The following RFFL variants were observed in gnomAD, a reference collection of about 807,000 sequenced individuals.
RFFL encodes E3 ubiquitin-protein ligase rififylin.
Under a neutral mutation model 40.4 loss-of-function variants are expected in RFFL, and 16 were observed. The observed-to-expected ratio is 0.40, with a 90% CI of 0.27 to 0.60. RFFL has a LOEUF of 0.60. Ranked by LOEUF, RFFL falls within the 20% of genes least tolerant of loss-of-function variation. The probability of loss-of-function intolerance (pLI) is 0.47; values close to 1 mark genes in which losing one functional copy is unlikely to be tolerated. For missense variants in RFFL, 367 were observed against 451.7 expected, an observed-to-expected ratio of 0.81 and a Z score of 1.70; for synonymous variants, 154 against 167.9, an observed-to-expected ratio of 0.92 and a Z score of 0.64.
chr17:35,006,075 C>A lies in RFFL; in HGVS notation c.*5893G>T, dbSNP rs1016772576. 9 of 202,938 alleles carry A rather than the reference C, an allele frequency of 4.4e-5. No individual in the cohort carries two copies. The highest frequency in any genetic ancestry group is 2.1e-4 in the African/African-American group (9 of 42,154). 12.6% of individuals were successfully genotyped at this position (202,938 alleles called of 1,614,324 possible). A position where few individuals can be genotyped will look rare whatever the true frequency, so the allele number is the denominator to read the frequency against. ...AAAAATAAAAATCCACACCTGAGAA[C>A]AGATCCATACAACCTGCTTACAAAG... On this transcript the variant is annotated 3_prime_UTR_variant, in exon 7 of 7. Transcript: ENST00000394597.
chr17:35,089,121 C>G (rs1170724755), exon 1 of RFFL: 1 of 152,416 alleles, frequency 6.6e-6, no homozygotes, highest in East Asian at 1.9e-4. Context: ...CGGCCGCCCT[C>G]CCGGCCGGCA....
At chr17:35,085,720 G>A (rs797990) in intron 1 of RFFL, among the ~76,000 whole-genome samples, 56,226 of 152,044 alleles carry the variant, frequency 0.37, 11,977 homozygotes, top group Non-Finnish European at 0.47. Context: ...GAGCCACTGC[G>A]CCCAGCCAAG....
rs193224517 is a variant in RFFL at position 35,083,934 on chromosome 17, C to T, written c.-9+5171G>A. Reference sequence around the variant, plus strand: ...GTGGTTCCCAAACTTGACTGCACATCCAAAGCACTTGGGAAGCCAGGCACG... The same window carrying T: ...GTGGTTCCCAAACTTGACTGCACATTCAAAGCACTTGGGAAGCCAGGCACG... On this transcript the variant is annotated intron_variant, in intron 1 of 6. Coordinates refer to the RFFL transcript ENST00000315249. Among the ~76,000 whole-genome samples the T allele has an allele frequency of 1.5e-3, 233 of 150,744 alleles. 2 individuals carry two copies. Among genetic ancestry groups the T allele is most frequent in the African/African-American group, 5.1e-3 (210 of 41,110 alleles).
chr17:35,067,487 C>A (rs544354415), upstream of RFFL, among the ~76,000 whole-genome samples: 1 of 143,052 alleles, frequency 7.0e-6, no homozygotes, highest in South Asian at 2.2e-4. Flanking sequence ...GACAGAGTCT[C>A]GCTCTGTCGC....
At chr17:35,057,443 T>C (rs1288053209) in intron 1 of RFFL, among the ~76,000 whole-genome samples, 1 of 151,812 alleles carries the variant, frequency 6.6e-6, no homozygotes, top group Non-Finnish European at 1.5e-5. Flanking sequence ...ACATTCTCCC[T>C]AGCTCTTTTC....
intron 1 of RFFL, among the ~76,000 whole-genome samples, chr17:35,045,045 T>G (rs1195869602): frequency 6.6e-6 from 1 of 150,808 alleles, no homozygotes. Flanking sequence ...CCTCATAGAA[T>G]CTTATACACT....
chr17:35,022,076 A>C (rs972419980), intron 2 of RFFL, among the ~76,000 whole-genome samples: 2 of 152,244 alleles, frequency 1.3e-5, no homozygotes, highest in African/African-American at 2.4e-5. Flanking sequence ...GTATTAATTA[A>C]GACTACCAGC....
In RFFL at chr17:35,032,106, A is replaced by G. The variant is rs549719662; in HGVS notation, c.-8-5545T>C. On this transcript the variant is annotated intron_variant, in intron 1 of 6. Transcript: ENST00000394597. ...CGAGACTCCGTCTCAAAAAAAAAAA[A>G]AAAAAGAAAAAGAAACTACAAAATG... 1.3e-4 allele frequency among the ~76,000 whole-genome samples: 19 copies of G among 151,872 alleles called. No homozygotes were observed. The South Asian group carries it at 1.7e-3, about 13-fold the overall frequency.
At chr17:35,073,775 A>ACACACG (rs2091362648) in intron 1 of RFFL, 1 of 152,070 alleles carries the variant, frequency 6.6e-6, no homozygotes, top group South Asian at 2.1e-4. Flanking sequence ...ACACACAGAC[A>ACACACG]CACACGCACA....
Position 35,021,701 on chromosome 17 carries a change from G to A in RFFL, c.261C>T (p.Leu87=), listed in dbSNP as rs770579142. Residue 87 remains leucine (L), a synonymous_variant, in exon 3 of 7, where the codon CTC becomes CTT. Transcript: ENST00000394597. ...AGGCTGTAGCTCGAAACCGTTGGCA[G>A]AGAAGGCAGAGGCGGGGCCCATTCC... The part of the protein sequence containing the change: ...QVGNGPRLCL[L]CQRFRATAFQ... The A allele has an allele frequency of 6.2e-7, 1 of 1,614,262 alleles. No homozygotes were observed. The highest frequency in any genetic ancestry group is 1.1e-5 in the South Asian group (1 of 91,088).
At chr17:35,027,759 G>T (rs1489486341) in intron 1 of RFFL, among the ~76,000 whole-genome samples, 1 of 150,972 alleles carries the variant, frequency 6.6e-6, no homozygotes, top group Non-Finnish European at 1.5e-5. Context: ...TGGGCCAGGT[G>T]CAGTGGTTCA....
chr17:35,066,089 A>G (rs923739979), upstream of RFFL, among the ~76,000 whole-genome samples: 2 of 152,180 alleles, frequency 1.3e-5, no homozygotes, highest in Non-Finnish European at 2.9e-5. Flanking sequence ...CGCCACTGCA[A>G]TCCAGCCCAG....
intron 1 of RFFL, among the ~76,000 whole-genome samples, chr17:35,058,933 T>C (rs910076536): frequency 2.0e-5 from 3 of 151,910 alleles, no homozygotes; most frequent in African/African-American, 4.8e-5. Flanking sequence ...AAAGTGATGA[T>C]GTATGACTGC....
chr17:35,038,090 C>G (rs555556901), intron 1 of RFFL, among the ~76,000 whole-genome samples: 1 of 152,142 alleles, frequency 6.6e-6, no homozygotes, highest in South Asian at 2.1e-4. Context: ...AAGTTCGAGA[C>G]CAGCCTGGAC....
At chr17:35,084,516 C>G (rs905783560) in intron 1 of RFFL, among the ~76,000 whole-genome samples, 1 of 152,070 alleles carries the variant, frequency 6.6e-6, no homozygotes, top group African/African-American at 2.4e-5. Context: ...ATCACTTGAA[C>G]CTGGGAGGTG....
At chr17:35,079,461 T>A (rs1015875250) in intron 1 of RFFL, among the ~76,000 whole-genome samples, 3 of 152,350 alleles carry the variant, frequency 2.0e-5, no homozygotes, top group Admixed American at 1.3e-4. Flanking sequence ...ATTGTCAACG[T>A]ATTTTCCTTT....
At chr17:35,023,544 A>T (rs1307001900) in intron 2 of RFFL, among the ~76,000 whole-genome samples, 2 of 152,232 alleles carry the variant, frequency 1.3e-5, no homozygotes, top group Admixed American at 6.5e-5. Context: ...CAGAAAATGG[A>T]TGTTTTCAGG....
intron 3 of RFFL, among the ~76,000 whole-genome samples, chr17:35,020,302 G>C (rs759899433): frequency 1.4e-4 from 21 of 151,974 alleles, no homozygotes; most frequent in East Asian, 1.2e-3. Flanking sequence ...TCCATGGCTT[G>C]TTGGGAACCC....
At position 35,010,170 on chromosome 17, in the gene RFFL, C is replaced by G. The variant is rs1040042271; in HGVS notation, c.*1798G>C. 3 of 152,082 alleles carry G rather than the reference C, an allele frequency of 2.0e-5. No homozygotes were observed. The highest frequency in any genetic ancestry group is 4.4e-5 in the Non-Finnish European group (3 of 68,022). The allele number at this position is 152,082 out of a possible 1,614,324, so 9.4% of individuals were successfully genotyped here. A position where few individuals can be genotyped will look rare whatever the true frequency, so the allele number is the denominator to read the frequency against. On this transcript the variant is annotated 3_prime_UTR_variant, in exon 7 of 7. Transcript: ENST00000394597. Reference sequence around the variant, plus strand: ...TATGTCTGTACCAATGTAATAAGTCCCTTTAGAGGTTTCCCTCTGCCATCC... The same window carrying G: ...TATGTCTGTACCAATGTAATAAGTCGCTTTAGAGGTTTCCCTCTGCCATCC...
Sources: gnomAD v4.1 joint callset for allele counts (sites outside exome capture counted in the v4.1 genomes callset) on GRCh38, gnomAD v4.1.1 for gene constraint, MANE v1.5 for transcripts, NCBI Gene and HGNC (gene_info 2026-07-23, HGNC 2026-07-21) for gene names.